Variants in CELF2 observed in about 807,000 individuals in gnomAD.
CELF2 encodes the protein CUG triplet repeat RNA-binding protein 2.
Under a neutral mutation model 62.6 loss-of-function variants are expected in CELF2, and 8 were observed. The ratio of observed to expected loss-of-function variants is 0.13; its 90% CI spans 0.07 to 0.23. The LOEUF is 0.23. Among genes scored for constraint, CELF2 ranks in the 10% least tolerant of loss-of-function variants. The pLI is 1.00. For missense variants in CELF2, 333 were observed against 671.0 expected, an observed-to-expected ratio of 0.50 and a Z score of 5.56; for synonymous variants, 258 against 250.0, an observed-to-expected ratio of 1.03 and a Z score of -0.30.
chr10:10,508,711 T>A, the CELF2 span, among the ~76,000 whole-genome samples: 7 of 31,422 alleles, frequency 2.2e-4, no homozygotes, highest in African/African-American at 7.5e-4. Context: ...TGTGTATATT[T>A]TTTTTTTTGA....
At chr10:11,120,252 A>G (rs1332765476) in intron 1 of CELF2, among the ~76,000 whole-genome samples, 3 of 152,282 alleles carry the variant, frequency 2.0e-5, no homozygotes, top group Middle Eastern at 3.4e-3. Flanking sequence ...CGGTGCAGAA[A>G]AGGAGACCCT....
chr10:10,881,007 G>A (rs760387540), intron 1 of CELF2, among the ~76,000 whole-genome samples: 1 of 152,118 alleles, frequency 6.6e-6, no homozygotes, highest in Non-Finnish European at 1.5e-5. Context: ...CCTTCTTCAT[G>A]TCACATGGAA....
Position 11,288,443 on chromosome 10 carries a change from C to T in CELF2, c.867C>T (p.Asn289=). ...GCATGAATGCTTTACAGTTGCAGAA[C>T]CTGGCGACGCTGGCTGCTGCTGCAG... The part of the protein sequence containing the change: ...MAGMNALQLQ[N]LATLAAAAAA... Residue 289 remains asparagine, a synonymous_variant, in exon 9 of 13, where the codon AAC becomes AAT. Coordinates refer to ENST00000633077, the MANE Select transcript of CELF2 (RefSeq NM_001326342.2). 1 of 1,614,116 alleles carries T rather than the reference C, an allele frequency of 6.2e-7. No homozygotes were observed. The highest frequency in any genetic ancestry group is 8.5e-7 in the Non-Finnish European group (1 of 1,180,042).
chr10:11,088,180 A>T (rs2047327039), intron 1 of CELF2, among the ~76,000 whole-genome samples: 1 of 152,224 alleles, frequency 6.6e-6, no homozygotes, highest in African/African-American at 2.4e-5. Flanking sequence ...AGTGCTGAGG[A>T]CATTCAGGTG....
intron 1 of CELF2, among the ~76,000 whole-genome samples, chr10:11,057,686 A>G (rs1171199536): frequency 1.3e-5 from 2 of 152,164 alleles, no homozygotes; most frequent in Non-Finnish European, 2.9e-5. Flanking sequence ...TGGCTTTTTA[A>G]GCATAAGGAT....
chr10:11,320,826 G>T, intron 10 of CELF2: 1 of 1,391,284 alleles, frequency 7.2e-7, no homozygotes. Context: ...TGCTACTAAG[G>T]TTTTTTTTTT....
chr10:10,651,277 G>T, the CELF2 span, among the ~76,000 whole-genome samples: 22 of 145,530 alleles, frequency 1.5e-4, no homozygotes, highest in Middle Eastern at 3.5e-3. Flanking sequence ...ACTGCAAGGC[G>T]GCAGTGAGGC....
chr10:10,696,784 C>A, the CELF2 span, among the ~76,000 whole-genome samples: 16 of 152,116 alleles, frequency 1.1e-4, no homozygotes, highest in Admixed American at 5.9e-4. Context: ...CGTCCGTCAC[C>A]CCTTTCTTTG....
rs1439717707 is a variant in CELF2, at chr10:11,110,074, C to A, written c.75-55412C>A. On this transcript the variant is annotated intron_variant, in intron 1 of 12. Coordinates refer to ENST00000633077, the MANE Select transcript of CELF2 (RefSeq NM_001326342.2). This position sits in a 1 kb window ranked among gnomAD's most constrained non-coding sequence, Gnocchi z 4.0. ...GGGAGTTTGAGACCAGCTTGGGCAA[C>A]ATAGCAAGACCTCATTGCTACTAAA... Among the ~76,000 whole-genome samples the A allele has an allele frequency of 1.3e-5, 2 of 152,050 alleles. No individual in the cohort carries two copies. The highest frequency in any genetic ancestry group is 1.3e-4 in the Admixed American group (2 of 15,268).
Position 11,217,023 on chromosome 10 carries a change from C to T in CELF2, c.272-402C>T, listed in dbSNP as rs74115778. Among the ~76,000 whole-genome samples the T allele has an allele frequency of 0.049, 7,424 of 152,272 alleles. 402 individuals carry two copies. The highest frequency in any genetic ancestry group is 0.24 in the East Asian group (1,221 of 5,186). ...TTTAGAAAGTCTTTCAAAAACCTGA[C>T]GTTCTGGAGATACACTTTAAGAAAA... is the stretch of plus-strand genomic sequence containing the variant. On this transcript the variant is annotated intron_variant, in intron 2 of 12. Transcript: ENST00000633077. This position sits in a 1 kb window ranked among gnomAD's most constrained non-coding sequence, Gnocchi z 5.6.
At chr10:10,508,708 A>G in the CELF2 span, among the ~76,000 whole-genome samples, 22 of 134,404 alleles carry the variant, frequency 1.6e-4, no homozygotes, top group South Asian at 4.5e-4. Context: ...GTGTGTGTAT[A>G]TTTTTTTTTT....
At chr10:10,799,641 G>C (rs1305397477) in intron 1 of CELF2, among the ~76,000 whole-genome samples, 8 of 141,656 alleles carry the variant, frequency 5.6e-5, no homozygotes, top group African/African-American at 1.8e-4. Flanking sequence ...AAACTGAATG[G>C]GCAGAATGTA....
At chr10:11,249,257 A>G (rs1181610985) in intron 4 of CELF2, 56 bp downstream of exon 4, 10 of 1,459,582 alleles carry the variant, frequency 6.9e-6, no homozygotes, top group Non-Finnish European at 9.6e-6. Flanking sequence ...TTAAATTACA[A>G]AGTCAGTTGG....
chr10:11,142,859 T>C (rs1212770394), intron 1 of CELF2, among the ~76,000 whole-genome samples: 1 of 152,134 alleles, frequency 6.6e-6, no homozygotes, highest in Non-Finnish European at 1.5e-5. Context: ...AGCCAAGGTC[T>C]GTCCTCCCTC....
At chr10:10,528,245 T>C in the CELF2 span, among the ~76,000 whole-genome samples, 1 of 152,014 alleles carries the variant, frequency 6.6e-6, no homozygotes, top group Non-Finnish European at 1.5e-5. Flanking sequence ...TGGGAGTAGA[T>C]GATAATAAGC....
chr10:11,249,409 A>T (rs2076505261), intron 4 of CELF2, among the ~76,000 whole-genome samples: 1 of 152,096 alleles, frequency 6.6e-6, no homozygotes, highest in Non-Finnish European at 1.5e-5. Context: ...CTCTGGCGTA[A>T]AGATGTATGA....
At chr10:10,607,530 A>T in the CELF2 span, among the ~76,000 whole-genome samples, 3 of 152,204 alleles carry the variant, frequency 2.0e-5, no homozygotes, top group African/African-American at 7.2e-5. Context: ...CCAAAACACA[A>T]TGGTATCAAA....
chr10:11,029,577 T>TA (rs1417352512), intron 1 of CELF2, among the ~76,000 whole-genome samples: 1 of 152,230 alleles, frequency 6.6e-6, no homozygotes, highest in Non-Finnish European at 1.5e-5. Context: ...TGCAGACTCT[T>TA]GCCTCTCATC....
At chr10:10,520,937 G>C in the CELF2 span, among the ~76,000 whole-genome samples, 1 of 152,180 alleles carries the variant, frequency 6.6e-6, no homozygotes, top group Non-Finnish European at 1.5e-5. Flanking sequence ...TAACTACTTA[G>C]TCAAGCTGGA....
Sources: allele counts gnomAD v4.1 joint callset (sites outside exome capture counted in the v4.1 genomes callset), GRCh38; gene constraint gnomAD v4.1.1; non-coding constraint Gnocchi (gnomAD v3.1); transcripts MANE v1.5; gene names NCBI Gene and HGNC (gene_info 2026-07-23, HGNC 2026-07-21).